The following NBPF11 variants were observed in gnomAD, a reference collection of about 807,000 sequenced individuals.
NBPF11 encodes the protein NBPF member 11.
In NBPF11, 72 loss-of-function variants were observed where a neutral mutation model predicts 93.9. The observed-to-expected ratio is 0.77, with a 90% CI of 0.63 to 0.93. The LOEUF is 0.93. NBPF11 is among the 40% of genes least tolerant of loss of function. The pLI, the probability that NBPF11 is intolerant of heterozygous loss-of-function variation, is 0.00. For synonymous variants in NBPF11, 224 were observed against 304.9 expected (o/e 0.73, Z 2.76); for missense variants, 705 against 802.2 (o/e 0.88, Z 1.46).
intron 5 of NBPF11, among the ~76,000 whole-genome samples, chr1:148,126,190 G>A (rs1414276669): frequency 2.0e-5 from 3 of 151,742 alleles, no homozygotes; most frequent in East Asian, 1.9e-4. Flanking sequence ...TAGTGGAGAC[G>A]GGGTTTCTCC....
intron 12 of NBPF11, among the ~76,000 whole-genome samples, chr1:148,117,196 T>C (rs1666775545): frequency 1.3e-5 from 2 of 151,458 alleles, no homozygotes; most frequent in Non-Finnish European, 2.9e-5. Flanking sequence ...GACAAGTCAT[T>C]CACTCACCGA....
chr1:148,150,757 G>A lies in NBPF11; in HGVS notation c.-549+993C>T, dbSNP rs1405699537. ...TTTTTTTTTTTTTAGAGGGAGTCTCGCTCTGTCACCCAGGCTGGAGTGCAG... is the reference window on the plus strand; with the variant it reads ...TTTTTTTTTTTTTAGAGGGAGTCTCACTCTGTCACCCAGGCTGGAGTGCAG... On this transcript the variant is annotated intron_variant, in intron 1 of 23. Coordinates refer to ENST00000682118, the MANE Select transcript of NBPF11 (RefSeq NM_001385469.3). Among the ~76,000 whole-genome samples the A allele has an allele frequency of 3.5e-5, 5 of 143,786 alleles. No homozygotes were observed. The Admixed American group carries it at 3.5e-4, about 10-fold the overall frequency. The allele number at this position is 143,786 out of a possible 152,430, so 94.3% of individuals were successfully genotyped here. A position where few individuals can be genotyped will look rare whatever the true frequency, so the allele number is the denominator to read the frequency against.
chr1:148,150,229 G>A (rs1298527763), intron 1 of NBPF11, among the ~76,000 whole-genome samples: 1 of 144,284 alleles, frequency 6.9e-6, no homozygotes. Context: ...ACTGCTCACT[G>A]CAATCTCAAC....
chr1:148,150,019 A>G (rs1346302821), intron 1 of NBPF11, among the ~76,000 whole-genome samples: 1 of 151,872 alleles, frequency 6.6e-6, no homozygotes, highest in Admixed American at 6.5e-5. Flanking sequence ...ATGTTCAGCC[A>G]TATGTAATAC....
intron 13 of NBPF11, 22 bp downstream of exon 13, chr1:148,116,441 G>C: frequency 1.4e-6 from 1 of 727,172 alleles, no homozygotes. Flanking sequence ...TCCATTAATT[G>C]TTCCTGAGTA....
chr1:148,146,863 C>A, intron 1 of NBPF11: 1 of 1,613,756 alleles, frequency 6.2e-7, no homozygotes, highest in South Asian at 1.1e-5. Flanking sequence ...CTCGGGCAGG[C>A]CTTCCGAGAG....
At chr1:148,108,842 GACACAC>G (rs71270029) in intron 17 of NBPF11, among the ~76,000 whole-genome samples, 188 bp from the exon 18 acceptor site, 2,582 of 112,816 alleles carry the variant, frequency 0.023, 48 homozygotes, top group African/African-American at 0.059. Context: ...GAAAGAGAAA[GACACAC>G]ACACACACAC....
intron 1 of NBPF11, among the ~76,000 whole-genome samples, chr1:148,145,524 T>G (rs1672858081): frequency 1.3e-5 from 2 of 148,634 alleles, no homozygotes; most frequent in Admixed American, 1.3e-4. Flanking sequence ...ATTGATTTCT[T>G]AAACAGGACA....
At chr1:148,120,454 C>G in intron 10 of NBPF11, 47 bp downstream of exon 10, 1 of 850,016 alleles carries the variant, frequency 1.2e-6, no homozygotes, top group Non-Finnish European at 2.1e-6. Context: ...AGAGAGAAGA[C>G]AGGACTTCGT....
At chr1:148,104,415 A>G in intron 23 of NBPF11, 122 bp downstream of exon 23, 1 of 633,754 alleles carries the variant, frequency 1.6e-6, no homozygotes. Context: ...ACCAACAACA[A>G]TGACAGTAGG....
chr1:148,121,178 G>A (rs1220530565), intron 9 of NBPF11, among the ~76,000 whole-genome samples: 20,990 of 150,568 alleles, frequency 0.14, 1,633 homozygotes, highest in East Asian at 0.27. Context: ...CCAAGCATCT[G>A]GGATTACAAG....
At chr1:148,134,799 A>C (rs1302727427) in intron 4 of NBPF11, among the ~76,000 whole-genome samples, 53 of 151,932 alleles carry the variant, frequency 3.5e-4, no homozygotes, top group African/African-American at 1.3e-3. Flanking sequence ...CTGAGGGACG[A>C]TGCAAGAGAA....
At chr1:148,106,909 G>T (rs1663785341) in intron 20 of NBPF11, 33 bp downstream of exon 20, 5 of 691,224 alleles carry the variant, frequency 7.2e-6, no homozygotes, top group Non-Finnish European at 1.3e-5. Flanking sequence ...AAGGCCAGGT[G>T]GAGGCTTATC....
intron 1 of NBPF11, among the ~76,000 whole-genome samples, chr1:148,150,723 A>T (rs1648073269): frequency 6.8e-6 from 1 of 146,948 alleles, no homozygotes; most frequent in African/African-American, 2.6e-5. Context: ...CACTGCAAGA[A>T]AAGGCTTTTT....
Position 148,114,321 on chromosome 1 carries a change from A to T in NBPF11, c.1637+116T>A, listed in dbSNP as rs1434950260. 1,021 of 700,982 alleles carry T rather than the reference A, an allele frequency of 1.5e-3. 15 individuals are homozygous for T. The South Asian group carries it at 0.016, about 11-fold the overall frequency. 43.4% of individuals were successfully genotyped at this position (700,982 alleles called of 1,614,324 possible). A position where few individuals can be genotyped will look rare whatever the true frequency, so the allele number is the denominator to read the frequency against. ...ACATACAACATTGTAAATCAGCACA[A>T]TTTGTAGCTGGGTGAATGGAAGAAA... On this transcript the variant is annotated intron_variant, in intron 15 of 23. Coordinates refer to ENST00000682118, the MANE Select transcript of NBPF11 (RefSeq NM_001385469.3).
rs1210010113 is a variant in NBPF11, at chr1:148,122,387, G to T, written c.567-121C>A. ...GAGTGGTCCCAGAAAACAAATGGAG[G>T]TTCCCTTTAAGAGGGAACAGGCAAT... is the stretch of plus-strand genomic sequence containing the variant. On this transcript the variant is annotated intron_variant, in intron 8 of 23. Transcript: ENST00000682118. The T allele has an allele frequency of 9.2e-6, 14 of 1,525,670 alleles. No individual in the cohort carries two copies. The East Asian group carries it at 2.9e-4, about 32-fold the overall frequency. The allele number at this position is 1,525,670 out of a possible 1,614,324, so 94.5% of individuals were successfully genotyped here. A position where few individuals can be genotyped will look rare whatever the true frequency, so the allele number is the denominator to read the frequency against.
Position 148,147,019 on chromosome 1 carries a change from C to T in NBPF11, c.-548-3333G>A, listed in dbSNP as rs1673253896. ...GCTTCCCTGGGAGGAAGGTGGGCGGCCCTGCAGGAGGGGAGCCACAGTGGA... is the reference window on the plus strand; with the variant it reads ...GCTTCCCTGGGAGGAAGGTGGGCGGTCCTGCAGGAGGGGAGCCACAGTGGA... On this transcript the variant is annotated intron_variant, in intron 1 of 23. Coordinates refer to ENST00000682118, the MANE Select transcript of NBPF11 (RefSeq NM_001385469.3). 3 of 1,267,908 alleles carry T rather than the reference C, an allele frequency of 2.4e-6. No individual in the cohort carries two copies. In the South Asian group the frequency reaches 4.1e-5, roughly 18 times the overall value. The allele number at this position is 1,267,908 out of a possible 1,614,324, so 78.5% of individuals were successfully genotyped here. A position where few individuals can be genotyped will look rare whatever the true frequency, so the allele number is the denominator to read the frequency against.
chr1:148,135,919 C>T (rs1437763977), intron 3 of NBPF11, 106 bp from the exon 4 acceptor site: 17 of 777,938 alleles, frequency 2.2e-5, no homozygotes, highest in Non-Finnish European at 3.7e-5. Flanking sequence ...CCTGTGTGGC[C>T]TGAGAGAAGC....
chr1:148,147,906 G>A lies in NBPF11; in HGVS notation c.-549+3844C>T, dbSNP rs1168928208. Among the ~76,000 whole-genome samples the A allele has an allele frequency of 5.9e-5, 9 of 151,980 alleles. No homozygotes were observed. The South Asian group carries it at 1.0e-3, about 17-fold the overall frequency. ...GGCCAGCTCTGAGCTCTGTCTGCTC[G>A]GCCATCTGTCCTGCTGCCCCTTTGT... is the stretch of plus-strand genomic sequence containing the variant. On this transcript the variant is annotated intron_variant, in intron 1 of 23. Transcript: ENST00000682118.
Sources: allele counts gnomAD v4.1 joint callset (sites outside exome capture counted in the v4.1 genomes callset), GRCh38; gene constraint gnomAD v4.1.1; transcripts MANE v1.5; gene names NCBI Gene and HGNC (gene_info 2026-07-23, HGNC 2026-07-21).